Variants in ORC2 observed in about 807,000 individuals in gnomAD.
The protein encoded by ORC2 is origin recognition complex subunit 2.
ORC2 carries 37 observed loss-of-function variants against 77.7 expected under a neutral mutation model. The observed-to-expected ratio is 0.48, with a 90% CI of 0.37 to 0.63. The LOEUF (loss-of-function observed/expected upper bound fraction) is 0.63. ORC2 is among the 20% of genes least tolerant of loss of function. The pLI is 0.00. For missense variants in ORC2, 557 were observed against 661.9 expected (o/e 0.84, Z 1.74); for synonymous variants, 201 against 229.5 (o/e 0.88, Z 1.12).
Position 200,928,221 on chromosome 2 carries a change from T to C in ORC2, c.918-1321A>G, listed in dbSNP as rs16824552. Among the ~76,000 whole-genome samples, 1,462 of 151,844 alleles carry C rather than the reference T, an allele frequency of 9.6e-3. 19 individuals are homozygous for C. Among genetic ancestry groups the C allele is most frequent in the African/African-American group, 0.034 (1,396 of 41,442 alleles). ...AAATACAAAAATTGGCTGGGCATGGTGGCAGGTGCCTGTAATCCCAGCTAC... is the reference window on the plus strand; with the variant it reads ...AAATACAAAAATTGGCTGGGCATGGCGGCAGGTGCCTGTAATCCCAGCTAC... On this transcript the variant is annotated intron_variant, in intron 11 of 17. Transcript: ENST00000234296.
At position 200,934,310 on chromosome 2, in the gene ORC2, CT is replaced by C. The variant is rs945869188; in HGVS notation, c.709-337del. Among the ~76,000 whole-genome samples the C allele has an allele frequency of 1.4e-3, 208 of 148,056 alleles. 2 individuals are homozygous for C. Among genetic ancestry groups the C allele is most frequent in the African/African-American group, 4.8e-3 (193 of 40,334 alleles). Reference sequence around the variant, plus strand: ...GATCTTTGTTTCTCCTCAAGTAAGTCTTTTTTTTTTCCTTTCTTTATTGAGG... The same window carrying C: ...GATCTTTGTTTCTCCTCAAGTAAGTCTTTTTTTTTCCTTTCTTTATTGAGG... On this transcript the variant is annotated intron_variant, in intron 9 of 17. Transcript: ENST00000234296.
intron 7 of ORC2, 59 bp from the exon 8 acceptor site, chr2:200,938,025 T>C: frequency 8.1e-7 from 1 of 1,230,116 alleles, no homozygotes. Flanking sequence ...CTGATCTGAG[T>C]GAAAGAGGCT....
chr2:200,954,572 G>T (rs922695734), intron 4 of ORC2, among the ~76,000 whole-genome samples: 5 of 152,142 alleles, frequency 3.3e-5, no homozygotes, highest in African/African-American at 1.2e-4. Context: ...AATGTTAACG[G>T]TTCCACGTTC....
chr2:200,941,201 T>C, intron 7 of ORC2, 47 bp downstream of exon 7: 1 of 1,512,604 alleles, frequency 6.6e-7, no homozygotes, highest in South Asian at 1.2e-5. Context: ...TTTCATCATG[T>C]CTTACTTTGT....
At chr2:200,945,842 G>A (rs1398980854) in intron 5 of ORC2, among the ~76,000 whole-genome samples, 1 of 151,888 alleles carries the variant, frequency 6.6e-6, no homozygotes, top group African/African-American at 2.4e-5. Flanking sequence ...CCTGGATATT[G>A]CAAAATAATA....
At chr2:200,946,523 C>T (rs1010658401) in intron 5 of ORC2, among the ~76,000 whole-genome samples, 13 of 152,082 alleles carry the variant, frequency 8.5e-5, no homozygotes, top group East Asian at 5.8e-4. Flanking sequence ...ATAATAAAGA[C>T]GAAATATCTA....
intron 15 of ORC2, among the ~76,000 whole-genome samples, chr2:200,918,428 A>G (rs1053083318): frequency 6.6e-6 from 1 of 150,928 alleles, no homozygotes; most frequent in Non-Finnish European, 1.5e-5. Flanking sequence ...TTGCTCTTTA[A>G]AAACAAAAAA....
At chr2:200,934,724 C>A (rs549842985) in intron 9 of ORC2, among the ~76,000 whole-genome samples, 12 of 152,020 alleles carry the variant, frequency 7.9e-5, no homozygotes, top group Non-Finnish European at 1.2e-4. Flanking sequence ...AAAAAAGAAA[C>A]CCACAAACAA....
chr2:200,929,955 C>T (rs1333533775), intron 11 of ORC2, among the ~76,000 whole-genome samples: 1 of 151,766 alleles, frequency 6.6e-6, no homozygotes, highest in Non-Finnish European at 1.5e-5. Context: ...TACAGGACAC[C>T]CAAGTATAAA....
At position 200,915,003 on chromosome 2, in the gene ORC2, CTTTTTTTTTTTTT is replaced by C. The variant is rs1158807101; in HGVS notation, c.1467-1024_1467-1012del. Among the ~76,000 whole-genome samples, 279 of 65,286 alleles carry C rather than the reference CTTTTTTTTTTTTT, an allele frequency of 4.3e-3. 2 individuals are homozygous for C. Among genetic ancestry groups the C allele is most frequent in the African/African-American group, 0.016 (253 of 15,624 alleles). The allele number at this position is 65,286 out of a possible 152,430, so 42.8% of individuals were successfully genotyped here. A position where few individuals can be genotyped will look rare whatever the true frequency, so the allele number is the denominator to read the frequency against. ...CTTCACTTTTTGATTCTTCCCACGT[CTTTTTTTTTTTTT>C]TTTTTTTTTTTTTTTTGAGACAGAG... On this transcript the variant is annotated intron_variant, in intron 15 of 17. Coordinates refer to ENST00000234296, the MANE Select transcript of ORC2 (RefSeq NM_006190.5).
intron 5 of ORC2, among the ~76,000 whole-genome samples, 193 bp downstream of exon 5, chr2:200,949,360 GA>G (rs1024218040): frequency 2.0e-5 from 3 of 151,894 alleles, no homozygotes; most frequent in African/African-American, 7.3e-5. Flanking sequence ...ATCTGAGCAT[GA>G]AAAAAACAAA....
chr2:200,934,706 C>T (rs1241149233), intron 9 of ORC2, among the ~76,000 whole-genome samples: 1 of 151,138 alleles, frequency 6.6e-6, no homozygotes, highest in Non-Finnish European at 1.5e-5. Flanking sequence ...TGCAAGGTAA[C>T]AAAAGAAAAA....
chr2:200,957,548 T>C lies in ORC2; in HGVS notation c.95-4A>G, dbSNP rs767542896. On this transcript the variant is annotated splice_polypyrimidine_tract_variant and splice_region_variant and intron_variant, in intron 3 of 17. Coordinates refer to ENST00000234296, the MANE Select transcript of ORC2 (RefSeq NM_006190.5). ...CGCTCCTTCTTCAATTTAGCTCCTA[T>C]AAGAACATCCAAAGAAATAGAGCAT... 8.8e-6 allele frequency: 14 copies of C among 1,582,818 alleles called. No individual in the cohort carries two copies. In the Middle Eastern group the frequency reaches 5.1e-4, roughly 57 times the overall value.
At chr2:200,951,607 T>C (rs1256236409) in intron 4 of ORC2, among the ~76,000 whole-genome samples, 1 of 152,236 alleles carries the variant, frequency 6.6e-6, no homozygotes, top group Non-Finnish European at 1.5e-5. Context: ...AATTCCCTAA[T>C]GATATGATAT....
intron 15 of ORC2, 112 bp from the exon 16 acceptor site, chr2:200,914,104 T>C: frequency 6.3e-6 from 4 of 637,062 alleles, no homozygotes; most frequent in Non-Finnish European, 1.1e-5. Flanking sequence ...ATCCGCATTA[T>C]CTTCTGTTCC....
chr2:200,946,316 CAT>C (rs1349047305), intron 5 of ORC2, among the ~76,000 whole-genome samples: 1 of 152,008 alleles, frequency 6.6e-6, no homozygotes, highest in Non-Finnish European at 1.5e-5. Context: ...CTCAGAATAA[CAT>C]ATGATTTTCT....
intron 11 of ORC2, among the ~76,000 whole-genome samples, chr2:200,927,423 G>A (rs531504458): frequency 1.1e-4 from 16 of 151,536 alleles, no homozygotes; most frequent in African/African-American, 3.1e-4. Flanking sequence ...GGTCAGGTGC[G>A]GTGGCTCACG....
intron 4 of ORC2, 71 bp from the exon 5 acceptor site, chr2:200,949,714 AAACTT>A: frequency 1.2e-6 from 1 of 855,580 alleles, no homozygotes; most frequent in Non-Finnish European, 1.9e-6. Context: ...TTTAACAAAA[AAACTT>A]AAGATTTGTA....
chr2:200,952,254 AATTT>A lies in ORC2; in HGVS notation c.239-2615_239-2612del, dbSNP rs561351012. Among the ~76,000 whole-genome samples, 1,106 of 151,434 alleles carry A rather than the reference AATTT, an allele frequency of 7.3e-3. 15 individuals are homozygous for A. Among genetic ancestry groups the A allele is most frequent in the African/African-American group, 0.025 (1,044 of 41,396 alleles). On this transcript the variant is annotated intron_variant, in intron 4 of 17. Coordinates refer to ENST00000234296, the MANE Select transcript of ORC2 (RefSeq NM_006190.5). ...AGAATGTATAACTATATATTTATAT[AATTT>A]ATTTATTTATTTATTTTTTGAGACG...
Sources: gnomAD v4.1 joint callset for allele counts (sites outside exome capture counted in the v4.1 genomes callset) on GRCh38, gnomAD v4.1.1 for gene constraint, MANE v1.5 for transcripts, NCBI Gene and HGNC (gene_info 2026-07-23, HGNC 2026-07-21) for gene names.